TTLL5: variants seen among roughly 807,000 people sequenced by gnomAD.
TTLL5 encodes tubulin polyglutamylase TTLL5.
TTLL5 carries 132 observed loss-of-function variants against 168.4 expected under a neutral mutation model. The ratio of observed to expected loss-of-function variants is 0.78; its 90% CI spans 0.68 to 0.91. The LOEUF (loss-of-function observed/expected upper bound fraction) is 0.91. TTLL5 is among the 40% of genes least tolerant of loss of function. The pLI, the probability that TTLL5 is intolerant of heterozygous loss-of-function variation, is 0.00. For synonymous variants in TTLL5, 546 were observed against 558.6 expected (o/e 0.98, Z 0.32); for missense variants, 1,545 against 1,581.5 (o/e 0.98, Z 0.39).
chr14:75,861,260 C>A (rs767265384), intron 28 of TTLL5, among the ~76,000 whole-genome samples: 1 of 151,984 alleles, frequency 6.6e-6, no homozygotes, highest in Non-Finnish European at 1.5e-5. Context: ...GATAGAAAGC[C>A]GAAAGAATAC....
At position 75,875,411 on chromosome 14, in the gene TTLL5, T is replaced by G. The variant is rs183308583; in HGVS notation, c.3523-7274T>G. 7.4e-3 allele frequency among the ~76,000 whole-genome samples: 1,101 copies of G among 149,604 alleles called. 17 individuals are homozygous for G. The highest frequency in any genetic ancestry group is 0.026 in the African/African-American group (1,049 of 41,020). ...AAAAAATACAAAAATTAGCTGCGTG[T>G]GGTGGCACGTGCCTGTAATCCCACC... On this transcript the variant is annotated intron_variant, in intron 29 of 31. Transcript: ENST00000298832.
intron 29 of TTLL5, among the ~76,000 whole-genome samples, chr14:75,865,994 C>G (rs75296987): frequency 6.6e-6 from 1 of 152,166 alleles, no homozygotes; most frequent in Non-Finnish European, 1.5e-5. Flanking sequence ...TAAACCACAG[C>G]TGATTTAGGT....
In TTLL5 at chr14:75,819,867, T is replaced by G. The variant is rs1595095862; in HGVS notation, c.3172-140T>G. 7.3e-6 allele frequency: 6 copies of G among 822,532 alleles called. No individual in the cohort carries two copies. The East Asian group carries it at 1.8e-4, about 24-fold the overall frequency. The allele number at this position is 822,532 out of a possible 1,614,324, so 51.0% of individuals were successfully genotyped here. A position where few individuals can be genotyped will look rare whatever the true frequency, so the allele number is the denominator to read the frequency against. ...TTTGTGCACAGGAGCCATTCCTTCCTGAGTGCCTTTGTCACAGCCACAGCT... is the reference window on the plus strand; with the variant it reads ...TTTGTGCACAGGAGCCATTCCTTCCGGAGTGCCTTTGTCACAGCCACAGCT... On this transcript the variant is annotated intron_variant, in intron 27 of 31. Transcript: ENST00000298832.
intron 31 of TTLL5, chr14:75,930,589 C>T (rs369330428): frequency 6.1e-6 from 6 of 984,584 alleles, no homozygotes; most frequent in East Asian, 2.3e-4. Context: ...TATCTACTGA[C>T]GTTTCTTGCA....
intron 3 of TTLL5, among the ~76,000 whole-genome samples, chr14:75,672,496 G>A (rs1230484781): frequency 6.6e-6 from 1 of 152,146 alleles, no homozygotes; most frequent in Non-Finnish European, 1.5e-5. Flanking sequence ...ACCCGCCTCG[G>A]CCTCCCAAAG....
intron 31 of TTLL5, among the ~76,000 whole-genome samples, chr14:75,925,379 T>C (rs1339426510): frequency 2.9e-4 from 37 of 128,574 alleles, no homozygotes; most frequent in Non-Finnish European, 4.9e-4. Flanking sequence ...CGAGACGGGG[T>C]CGCGACCGGG....
At position 75,945,494 on chromosome 14, in the gene TTLL5, A is replaced by T. The variant is rs776153457; in HGVS notation, c.3824-8930A>T. Among the ~76,000 whole-genome samples, 4 of 152,018 alleles carry T rather than the reference A, an allele frequency of 2.6e-5. No individual in the cohort carries two copies. The South Asian group carries it at 8.3e-4, about 32-fold the overall frequency. On this transcript the variant is annotated intron_variant, in intron 31 of 31. Coordinates refer to ENST00000298832, the MANE Select transcript of TTLL5 (RefSeq NM_015072.5). ...ATGATCTCGATCTCTTGACCTCATG[A>T]TCTGCCCGCCTCAGCCTCCCAAAGT... is the stretch of plus-strand genomic sequence containing the variant.
rs1595033738 is a variant in TTLL5, at chr14:75,783,642, A to G, written c.2986+112A>G. ...TTTTTAAATTTTGAAATGGAAATGG[A>G]CACACACTGCATTGTTCTGACGTGA... On this transcript the variant is annotated intron_variant, in intron 26 of 31. Coordinates refer to ENST00000298832, the MANE Select transcript of TTLL5 (RefSeq NM_015072.5). 7.9e-6 allele frequency: 11 copies of G among 1,396,262 alleles called. No homozygotes were observed. In the East Asian group the frequency reaches 2.3e-4, roughly 30 times the overall value. 86.5% of individuals were successfully genotyped at this position (1,396,262 alleles called of 1,614,324 possible).
intron 31 of TTLL5, among the ~76,000 whole-genome samples, chr14:75,926,156 CTTTTTTTTTT>C (rs34048806): frequency 9.0e-4 from 27 of 29,960 alleles, no homozygotes; most frequent in African/African-American, 3.9e-3. Context: ...GCAACCCCAG[CTTTTTTTTTT>C]TTTTTTTTTT....
intron 14 of TTLL5, among the ~76,000 whole-genome samples, chr14:75,734,601 T>C (rs1888768761): frequency 6.6e-6 from 1 of 152,204 alleles, no homozygotes. Flanking sequence ...GTACCTGATG[T>C]ACCAGCGAAT....
chr14:75,727,454 A>G (rs1017835380), intron 12 of TTLL5, among the ~76,000 whole-genome samples: 7 of 152,214 alleles, frequency 4.6e-5, no homozygotes, highest in Admixed American at 1.3e-4. Context: ...AAGAAACTAC[A>G]TATTACATTA....
At chr14:75,746,685 G>C (rs1013307942) in intron 17 of TTLL5, among the ~76,000 whole-genome samples, 2 of 151,290 alleles carry the variant, frequency 1.3e-5, no homozygotes, top group Admixed American at 6.6e-5. Context: ...ACCTCAGCCT[G>C]CCAGGTAGCT....
chr14:75,850,625 G>A (rs1026005445), intron 28 of TTLL5, among the ~76,000 whole-genome samples: 1 of 152,056 alleles, frequency 6.6e-6, no homozygotes, highest in Non-Finnish European at 1.5e-5. Context: ...ATAACATGAA[G>A]TAGGAATTCC....
chr14:75,832,747 A>G (rs1895644908), intron 28 of TTLL5, among the ~76,000 whole-genome samples: 1 of 152,226 alleles, frequency 6.6e-6, no homozygotes, highest in African/African-American at 2.4e-5. Flanking sequence ...GAATTGAGGT[A>G]AATCACCAGT....
intron 17 of TTLL5, among the ~76,000 whole-genome samples, chr14:75,749,000 C>G (rs1272896522): frequency 4.6e-5 from 7 of 152,092 alleles, no homozygotes; most frequent in Non-Finnish European, 1.0e-4. Context: ...AAAAATTTGC[C>G]TGCTTGTTTT....
chr14:75,858,156 A>G (rs1177900960), intron 28 of TTLL5, among the ~76,000 whole-genome samples: 1 of 152,312 alleles, frequency 6.6e-6, no homozygotes, highest in South Asian at 2.1e-4. Flanking sequence ...GAGGAAGCCA[A>G]TAGAATCAAA....
intron 31 of TTLL5, among the ~76,000 whole-genome samples, chr14:75,917,901 G>A (rs1190843623): frequency 6.6e-6 from 1 of 152,208 alleles, no homozygotes; most frequent in Non-Finnish European, 1.5e-5. Context: ...GAAATCAGTG[G>A]CAGGGTAAGT....
At chr14:75,925,059 C>G (rs1300915538) in intron 31 of TTLL5, among the ~76,000 whole-genome samples, 2 of 147,058 alleles carry the variant, frequency 1.4e-5, no homozygotes, top group African/African-American at 2.6e-5. Context: ...CCCCTCACCT[C>G]CAGGATGGGG....
intron 30 of TTLL5, among the ~76,000 whole-genome samples, chr14:75,899,005 T>A (rs867989301): frequency 2.0e-5 from 3 of 152,340 alleles, no homozygotes; most frequent in African/African-American, 7.2e-5. Context: ...GTCATTCAAT[T>A]TGATATTTCT....
Sources: allele counts gnomAD v4.1 joint callset (sites outside exome capture counted in the v4.1 genomes callset), GRCh38; gene constraint gnomAD v4.1.1; transcripts MANE v1.5; gene names NCBI Gene and HGNC (gene_info 2026-07-23, HGNC 2026-07-21).